DLGAP1: variants seen among roughly 807,000 people sequenced by gnomAD.
DLGAP1 encodes DLG associated protein 1, also known as disks large-associated protein 1.
Under a neutral mutation model 90.8 loss-of-function variants are expected in DLGAP1, and 11 were observed. That is an observed-to-expected ratio of 0.12 (90% confidence interval 0.08 to 0.20). DLGAP1 has a LOEUF of 0.20. DLGAP1 is among the 10% of genes least tolerant of loss of function. DLGAP1 has a pLI of 1.00. For missense variants in DLGAP1, 1,050 were observed against 1,333.8 expected, an observed-to-expected ratio of 0.79 and a Z score of 3.31; for synonymous variants, 558 against 540.7, an observed-to-expected ratio of 1.03 and a Z score of -0.44.
intron 3 of DLGAP1, among the ~76,000 whole-genome samples, chr18:3,903,410 C>T (rs2071827741): frequency 6.6e-6 from 1 of 152,172 alleles, no homozygotes. Flanking sequence ...AAGTCCAAAT[C>T]CCTCCATTTT....
chr18:4,008,226 TACACACACACAC>T (rs67739004), intron 2 of DLGAP1, among the ~76,000 whole-genome samples: 1 of 147,008 alleles, frequency 6.8e-6, no homozygotes. Context: ...TATATATATA[TACACACACACAC>T]ACACACACAC....
At chr18:4,327,720 C>G (rs1310985333) in intron 1 of DLGAP1, among the ~76,000 whole-genome samples, 2 of 152,020 alleles carry the variant, frequency 1.3e-5, no homozygotes, top group Admixed American at 6.6e-5. Flanking sequence ...AGCTCTCTTG[C>G]ATCCATTAGT....
chr18:4,169,010 A>G (rs781221632), intron 1 of DLGAP1, among the ~76,000 whole-genome samples: 36 of 152,222 alleles, frequency 2.4e-4, no homozygotes, highest in Non-Finnish European at 1.0e-4. Context: ...TGCTATGAGC[A>G]TTAGTATACA....
At chr18:4,353,206 CCTTTGTTTTG>C in intron 1 of DLGAP1, among the ~76,000 whole-genome samples, 1 of 152,282 alleles carries the variant, frequency 6.6e-6, no homozygotes, top group African/African-American at 2.4e-5. Context: ...TTTATCTCCT[CCTTTGTTTTG>C]CTTTGTTTTA....
At chr18:4,225,744 TAC>T (rs2145007516) in intron 1 of DLGAP1, among the ~76,000 whole-genome samples, 1 of 151,886 alleles carries the variant, frequency 6.6e-6, no homozygotes, top group East Asian at 1.9e-4. Context: ...TATTTGTATA[TAC>T]ACAGAGGAGA....
intron 1 of DLGAP1, among the ~76,000 whole-genome samples, chr18:4,205,295 G>A (rs1323619374): frequency 6.6e-6 from 1 of 152,138 alleles, no homozygotes; most frequent in Non-Finnish European, 1.5e-5. Flanking sequence ...GGTCCTTTAG[G>A]AGATCTGAAG....
At chr18:3,785,217 T>C (rs993041201) in intron 5 of DLGAP1, among the ~76,000 whole-genome samples, 2 of 152,184 alleles carry the variant, frequency 1.3e-5, no homozygotes, top group African/African-American at 4.8e-5. Flanking sequence ...AGAGTTATTA[T>C]CTTACAGTTC....
At chr18:3,738,058 A>C (rs1392008135) in intron 6 of DLGAP1, among the ~76,000 whole-genome samples, 1 of 151,874 alleles carries the variant, frequency 6.6e-6, no homozygotes, top group East Asian at 1.9e-4. Context: ...CTACGAATCC[A>C]ACTTACAAGG....
intron 1 of DLGAP1, among the ~76,000 whole-genome samples, chr18:4,447,893 C>T (rs9958221): frequency 0.047 from 7,206 of 152,188 alleles, 558 homozygotes; most frequent in African/African-American, 0.17. Flanking sequence ...CACTTCTTCA[C>T]GTCACTGCCT....
chr18:3,605,727 A>C (rs191306783), intron 7 of DLGAP1, among the ~76,000 whole-genome samples: 2 of 152,298 alleles, frequency 1.3e-5, no homozygotes, highest in African/African-American at 4.8e-5. Flanking sequence ...TGATCTCTAA[A>C]ATCCTCTCCA....
intron 2 of DLGAP1, among the ~76,000 whole-genome samples, chr18:4,029,843 C>A (rs1161430294): frequency 6.6e-6 from 1 of 152,160 alleles, no homozygotes; most frequent in Non-Finnish European, 1.5e-5. Context: ...AGGCCCTCCA[C>A]GATGGCCCTA....
At chr18:4,025,087 G>A (rs2149119497) in intron 2 of DLGAP1, among the ~76,000 whole-genome samples, 1 of 152,226 alleles carries the variant, frequency 6.6e-6, no homozygotes, top group Non-Finnish European at 1.5e-5. Flanking sequence ...CACTATTTTA[G>A]GTTCTAGGGA....
intron 7 of DLGAP1, among the ~76,000 whole-genome samples, chr18:3,617,426 C>G (rs1870461432): frequency 6.6e-6 from 1 of 151,776 alleles, no homozygotes; most frequent in South Asian, 2.1e-4. Flanking sequence ...TGGTGAAACC[C>G]CATCTCTAGT....
At chr18:4,302,511 AT>A (rs71160953) in intron 1 of DLGAP1, among the ~76,000 whole-genome samples, 2 of 151,756 alleles carry the variant, frequency 1.3e-5, no homozygotes, top group South Asian at 2.1e-4. Context: ...GTATTTTTAA[AT>A]TTTTTTTATT....
intron 2 of DLGAP1, among the ~76,000 whole-genome samples, chr18:4,039,071 G>A (rs1469300179): frequency 1.3e-5 from 2 of 152,032 alleles, no homozygotes; most frequent in African/African-American, 4.8e-5. Context: ...TAGGGTTTAC[G>A]CTACTACCTT....
chr18:3,533,522 A>G lies in DLGAP1; in HGVS notation c.2479+672T>C, dbSNP rs368974559. On this transcript the variant is annotated intron_variant, in intron 10 of 12. Transcript: ENST00000315677. Reference sequence around the variant, plus strand: ...AATGAGAATAACAAAATCATAAAGAATATAAATCCCCAATGTACCTGTATC... The same window carrying G: ...AATGAGAATAACAAAATCATAAAGAGTATAAATCCCCAATGTACCTGTATC... 5.3e-5 allele frequency among the ~76,000 whole-genome samples: 8 copies of G among 152,284 alleles called. 1 individual carries two copies. The South Asian group carries it at 1.7e-3, about 32-fold the overall frequency.
At chr18:4,452,780 T>C (rs1426124071) in intron 1 of DLGAP1, among the ~76,000 whole-genome samples, 1 of 152,134 alleles carries the variant, frequency 6.6e-6, no homozygotes, top group African/African-American at 2.4e-5. Flanking sequence ...TGCTAAACCA[T>C]GAAAATTCCC....
intron 8 of DLGAP1, among the ~76,000 whole-genome samples, chr18:3,579,399 G>T (rs550663257): frequency 6.6e-6 from 1 of 152,268 alleles, no homozygotes; most frequent in East Asian, 1.9e-4. Context: ...TAGTAAAGAT[G>T]GAGTTTCTCC....
intron 4 of DLGAP1, among the ~76,000 whole-genome samples, chr18:3,863,252 A>G (rs980748913): frequency 4.6e-5 from 7 of 152,204 alleles, no homozygotes; most frequent in African/African-American, 1.7e-4. Flanking sequence ...ACCTGATTTA[A>G]AAGGAACCCT....
Sources: allele counts gnomAD v4.1 joint callset (sites outside exome capture counted in the v4.1 genomes callset), GRCh38; gene constraint gnomAD v4.1.1; transcripts MANE v1.5; gene names NCBI Gene and HGNC (gene_info 2026-07-23, HGNC 2026-07-21).